The following GNL3L variants were observed in gnomAD, a reference collection of about 807,000 sequenced individuals.
GNL3L encodes G protein nucleolar 3 like, also known as guanine nucleotide-binding protein-like 3-like protein.
A neutral mutation model predicts 42.9 loss-of-function variants in GNL3L; 4 were observed. The ratio of observed to expected loss-of-function variants is 0.09; its 90% confidence interval spans 0.05 to 0.21. The LOEUF (loss-of-function observed/expected upper bound fraction) is 0.21, where lower values mean the gene tolerates loss of function less well. Among genes scored for constraint, GNL3L ranks in the 10% least tolerant of loss-of-function variants. The pLI, the probability that GNL3L is intolerant of heterozygous loss-of-function variation, is 1.00. For missense variants in GNL3L, 412 were observed against 481.7 expected (o/e 0.86, Z 1.36); for synonymous variants, 159 against 176.3 (o/e 0.90, Z 0.78).
At chrX:54,531,430 C>T (rs1482943143) in intron 1 of GNL3L, among the ~76,000 whole-genome samples, 15 of 111,265 alleles carry the variant, frequency 1.3e-4, no homozygotes, top group Non-Finnish European at 2.3e-4. Context: ...AGATCTGTTT[C>T]TCTCCACCCA....
At chrX:54,580,013 T>TTTTTTTTTA (rs1925689516) in intron 16 of GNL3L, among the ~76,000 whole-genome samples, 1 of 99,804 alleles carries the variant, frequency 1.0e-5, no homozygotes, top group African/African-American at 3.7e-5. Flanking sequence ...TTTTTTTTTT[T>TTTTTTTTTA]ATACTTTAAG....
In GNL3L at chrX:54,561,868, G is replaced by T. The variant is rs1925281861; in HGVS notation, c.*1266G>T. On this transcript the variant is annotated 3_prime_UTR_variant, in exon 16 of 16. Transcript: ENST00000360845. ...GGAGATCCTACCCCATCAGACAAGG[G>T]CAGTGAGCCCAAGCAGTGCCAGAGG... Among the ~76,000 whole-genome samples, 1 of 111,918 alleles carries T rather than the reference G, an allele frequency of 8.9e-6. No homozygotes were observed. The highest frequency in any genetic ancestry group is 1.9e-5 in the Non-Finnish European group (1 of 53,147).
chrX:54,628,318 G>A, the GNL3L span, among the ~76,000 whole-genome samples: 1 of 108,813 alleles, frequency 9.2e-6, no homozygotes, highest in Non-Finnish European at 1.9e-5. Context: ...ATTGTGAATT[G>A]TGCTGATATA....
chrX:54,531,584 AC>A (rs1258764668), intron 1 of GNL3L, among the ~76,000 whole-genome samples: 2 of 111,409 alleles, frequency 1.8e-5, no homozygotes, highest in Non-Finnish European at 3.8e-5. Context: ...GCTGACTTCA[AC>A]CAGCATAAAA....
At chrX:54,596,634 C>G (rs758591832) in intron 16 of GNL3L, among the ~76,000 whole-genome samples, 2 of 112,306 alleles carry the variant, frequency 1.8e-5, no homozygotes, top group South Asian at 7.5e-4. Flanking sequence ...GTGTCCTTCT[C>G]TTTAGGGTAG....
chrX:54,597,160 G>A (rs1925940502), intron 16 of GNL3L, among the ~76,000 whole-genome samples: 1 of 111,603 alleles, frequency 9.0e-6, no homozygotes. Flanking sequence ...CTCAACTGAA[G>A]CCAGCAAGTC....
chrX:54,614,219 G>A (rs1266995518), intron 16 of GNL3L, among the ~76,000 whole-genome samples: 3 of 110,743 alleles, frequency 2.7e-5, no homozygotes, highest in Admixed American at 9.6e-5. Flanking sequence ...GCCAGCAGTC[G>A]CAGATCTCAC....
chrX:54,636,410 T>C, the GNL3L span, among the ~76,000 whole-genome samples: 7 of 112,005 alleles, frequency 6.2e-5, no homozygotes, highest in South Asian at 2.6e-3. Flanking sequence ...AGAGTACATA[T>C]GCAAATTTGT....
At chrX:54,641,684 A>G in the GNL3L span, among the ~76,000 whole-genome samples, 7 of 112,148 alleles carry the variant, frequency 6.2e-5, no homozygotes, top group African/African-American at 2.3e-4. Flanking sequence ...ACAACCTGTG[A>G]GTTGTATGGC....
chrX:54,549,184 A>G (rs1254144366), intron 9 of GNL3L, among the ~76,000 whole-genome samples: 1 of 111,909 alleles, frequency 8.9e-6, no homozygotes, highest in African/African-American at 3.3e-5. Context: ...AGAGACATAC[A>G]TGGAAGCAGA....
At chrX:54,584,232 A>G (rs1925753141) in intron 16 of GNL3L, among the ~76,000 whole-genome samples, 1 of 109,826 alleles carries the variant, frequency 9.1e-6, no homozygotes, top group South Asian at 4.0e-4. Context: ...AGGTTTCACC[A>G]TGTATTCCAG....
the GNL3L span, among the ~76,000 whole-genome samples, chrX:54,635,125 C>T: frequency 4.2e-3 from 471 of 110,871 alleles, 3 homozygotes; most frequent in African/African-American, 0.014. Context: ...TTGATAATTT[C>T]GATTATCCTA....
intron 5 of GNL3L, among the ~76,000 whole-genome samples, chrX:54,542,299 A>G (rs1261644428): frequency 1.1e-5 from 1 of 89,398 alleles, no homozygotes; most frequent in Non-Finnish European, 2.1e-5. Context: ...TCCTGTGTCC[A>G]AGTGTTCTCA....
Position 54,551,817 on chromosome X carries a change from T to A in GNL3L, c.1039-15T>A, listed in dbSNP as rs1569542113. 8.3e-7 allele frequency: 1 copy of A among 1,211,431 alleles called. No homozygotes were observed. Among genetic ancestry groups the A allele is most frequent in the East Asian group, 3.0e-5 (1 of 33,842 alleles). ...CATTCCTCCTCATGACTTCTCTCCT[T>A]CCTCCCTTCACCAGATTTCCAACTA... is the stretch of plus-strand genomic sequence containing the variant. On this transcript the variant is annotated splice_polypyrimidine_tract_variant and intron_variant, in intron 11 of 15. Coordinates refer to ENST00000360845, the MANE Select transcript of GNL3L (RefSeq NM_001184819.2).
chrX:54,535,868 T>A (rs1026644061), intron 2 of GNL3L, among the ~76,000 whole-genome samples: 4 of 111,191 alleles, frequency 3.6e-5, no homozygotes, highest in Non-Finnish European at 7.5e-5. Context: ...GCTCAAGTGA[T>A]CTTCCTGCCT....
the GNL3L span, among the ~76,000 whole-genome samples, chrX:54,632,718 C>T: frequency 1.8e-5 from 2 of 111,826 alleles, no homozygotes; most frequent in African/African-American, 3.3e-5. Flanking sequence ...TTCTCTGGTG[C>T]CTCCTTGAGT....
In GNL3L at chrX:54,549,277, C is replaced by A. The variant is rs5961086; in HGVS notation, c.775+904C>A. On this transcript the variant is annotated intron_variant, in intron 9 of 15. Coordinates refer to ENST00000360845, the MANE Select transcript of GNL3L (RefSeq NM_001184819.2). The stretch of plus-strand genomic sequence containing the variant: ...AGATCCACAAACACATACACAGACC[C>A]ACGCTACAGACCCAGAGATCCAGAG... 4.5e-3 allele frequency among the ~76,000 whole-genome samples: 505 copies of A among 111,535 alleles called. 2 individuals carry two copies. Among genetic ancestry groups the A allele is most frequent in the African/African-American group, 0.015 (463 of 30,691 alleles).
chrX:54,543,969 T>A, intron 7 of GNL3L: 1 of 304,220 alleles, frequency 3.3e-6, no homozygotes, highest in East Asian at 5.8e-5. Flanking sequence ...AAGAGAACAT[T>A]TGGGACCAGA....
rs139193534 is a variant in GNL3L at position 54,584,542 on chromosome X, T to G, written c.*45+23895T>G. Among the ~76,000 whole-genome samples, 11 of 112,152 alleles carry G rather than the reference T, an allele frequency of 9.8e-5. No individual in the cohort carries two copies. In the East Asian group the frequency reaches 3.1e-3, roughly 31 times the overall value. ...CATCATATATGTGGTCCATGTTGAC[T>G]GAAATGTTATGCAGCACGATTGTAC... On this transcript the variant is annotated intron_variant, in intron 16 of 16. Transcript: ENST00000674498.
Sources: gnomAD v4.1 joint callset for allele counts (sites outside exome capture counted in the v4.1 genomes callset) on GRCh38, gnomAD v4.1.1 for gene constraint, MANE v1.5 for transcripts, NCBI Gene and HGNC (gene_info 2026-07-23, HGNC 2026-07-21) for gene names.